The following FGGY variants were observed in gnomAD, a reference collection of about 807,000 sequenced individuals.
FGGY encodes the protein FGGY carbohydrate kinase domain-containing protein.
FGGY carries 72 observed loss-of-function variants against 71.3 expected under a neutral mutation model. The observed-to-expected ratio is 1.01, with a 90% CI of 0.84 to 1.23. FGGY has a LOEUF of 1.23. FGGY is among the 50% of genes most tolerant of loss of function. The pLI is 0.00. For synonymous variants in FGGY, 251 were observed against 250.3 expected (o/e 1.00, Z -0.02); for missense variants, 668 against 682.3 (o/e 0.98, Z 0.23).
At chr1:59,401,793 A>G (rs948374359) in intron 5 of FGGY, among the ~76,000 whole-genome samples, 3 of 152,234 alleles carry the variant, frequency 2.0e-5, no homozygotes, top group Non-Finnish European at 2.9e-5. Context: ...TCATGACTCA[A>G]TGTGAAAAGT....
intron 6 of FGGY, among the ~76,000 whole-genome samples, chr1:59,486,300 A>G (rs1197954628): frequency 1.3e-5 from 2 of 152,152 alleles, no homozygotes. Context: ...TTGGTGCTTG[A>G]TATGTGGCTA....
intron 6 of FGGY, among the ~76,000 whole-genome samples, chr1:59,502,371 G>A (rs2094252384): frequency 6.6e-6 from 1 of 152,250 alleles, no homozygotes. Flanking sequence ...AGAGGAAAGA[G>A]TGATTAATTA....
chr1:59,345,691 G>A (rs2051711177), intron 3 of FGGY, among the ~76,000 whole-genome samples: 1 of 150,080 alleles, frequency 6.7e-6, no homozygotes, highest in African/African-American at 2.5e-5. Context: ...AGCTTCCCAC[G>A]CCAGCAAACA....
chr1:59,690,815 G>C (rs922840597), intron 14 of FGGY, among the ~76,000 whole-genome samples: 1 of 152,184 alleles, frequency 6.6e-6, no homozygotes, highest in East Asian at 1.9e-4. Flanking sequence ...ATTTAAAGTC[G>C]CTAGCAGGTA....
intron 12 of FGGY, among the ~76,000 whole-genome samples, chr1:59,661,705 T>C (rs1201630114): frequency 7.2e-6 from 1 of 139,514 alleles, no homozygotes; most frequent in African/African-American, 3.1e-5. Flanking sequence ...TTTGTTTTTG[T>C]TTTTGTTTTT....
At chr1:59,502,799 G>A (rs1456657911) in intron 6 of FGGY, among the ~76,000 whole-genome samples, 1 of 152,188 alleles carries the variant, frequency 6.6e-6, no homozygotes, top group African/African-American at 2.4e-5. Context: ...ACTGTAAAAT[G>A]TATACACTGA....
chr1:59,421,503 CT>C (rs200500558), intron 5 of FGGY, among the ~76,000 whole-genome samples: 2,751 of 126,620 alleles, frequency 0.022, 80 homozygotes, highest in African/African-American at 0.068. Flanking sequence ...CCCTCTCCCC[CT>C]CTCTCCCTCT....
At chr1:59,522,921 C>T (rs1366591812) in intron 7 of FGGY, among the ~76,000 whole-genome samples, 1 of 152,202 alleles carries the variant, frequency 6.6e-6, no homozygotes, top group Non-Finnish European at 1.5e-5. Flanking sequence ...CAGAGCCTCT[C>T]ATTTTAAACA....
chr1:59,664,511 G>C (rs541700479), intron 12 of FGGY, among the ~76,000 whole-genome samples: 7 of 152,308 alleles, frequency 4.6e-5, no homozygotes, highest in African/African-American at 1.7e-4. Flanking sequence ...CTAATCGCAA[G>C]CCCCTAGGTC....
intron 6 of FGGY, among the ~76,000 whole-genome samples, chr1:59,480,334 C>A (rs2093423825): frequency 6.6e-6 from 1 of 152,164 alleles, no homozygotes; most frequent in Non-Finnish European, 1.5e-5. Flanking sequence ...GCACACGACA[C>A]CCTTCTCACC....
intron 14 of FGGY, among the ~76,000 whole-genome samples, chr1:59,720,120 A>G (rs990872573): frequency 6.6e-6 from 1 of 152,180 alleles, no homozygotes; most frequent in African/African-American, 2.4e-5. Context: ...TCCTCTGATT[A>G]CTGGGGATTT....
chr1:59,621,740 G>T (rs1276087207), intron 9 of FGGY, among the ~76,000 whole-genome samples: 2 of 151,170 alleles, frequency 1.3e-5, no homozygotes, highest in Non-Finnish European at 3.0e-5. Flanking sequence ...TTTTCCTCTG[G>T]CTGCTTTCAA....
intron 14 of FGGY, chr1:59,699,396 C>T: frequency 2.0e-6 from 2 of 985,190 alleles, no homozygotes; most frequent in Non-Finnish European, 2.4e-6. Context: ...TTCTTTTTGA[C>T]GGTTCAGGCT....
intron 1 of FGGY, among the ~76,000 whole-genome samples, chr1:59,315,223 G>A (rs2045204985): frequency 6.6e-6 from 1 of 151,936 alleles, no homozygotes; most frequent in African/African-American, 2.4e-5. Flanking sequence ...CTTTTCTGGG[G>A]CAGGAAGAAT....
intron 8 of FGGY, among the ~76,000 whole-genome samples, chr1:59,573,087 C>T (rs921363866): frequency 2.0e-5 from 3 of 152,026 alleles, no homozygotes; most frequent in African/African-American, 7.3e-5. Flanking sequence ...AATAACTTGC[C>T]TCTAGTCTTC....
chr1:59,634,579 T>C (rs2096938628), intron 10 of FGGY, among the ~76,000 whole-genome samples: 2 of 152,060 alleles, frequency 1.3e-5, no homozygotes, highest in Admixed American at 1.3e-4. Flanking sequence ...TGTGAACCCA[T>C]AGAATTAGGT....
chr1:59,433,816 G>C (rs916798936), intron 5 of FGGY, among the ~76,000 whole-genome samples: 1 of 152,170 alleles, frequency 6.6e-6, no homozygotes, highest in Non-Finnish European at 1.5e-5. Context: ...GTGCTGGTTA[G>C]TGCTTGGATG....
chr1:59,402,910 C>T (rs557884302), intron 5 of FGGY, among the ~76,000 whole-genome samples: 1 of 152,272 alleles, frequency 6.6e-6, no homozygotes, highest in South Asian at 2.1e-4. Flanking sequence ...ATGCTTACCT[C>T]CCTGAGAGGG....
intron 14 of FGGY, chr1:59,697,618 GT>G: frequency 8.0e-7 from 1 of 1,248,232 alleles, no homozygotes; most frequent in Non-Finnish European, 1.1e-6. Context: ...AGACTTTGGC[GT>G]GCTTAACATT....
Sources: allele counts gnomAD v4.1 joint callset (sites outside exome capture counted in the v4.1 genomes callset), GRCh38; gene constraint gnomAD v4.1.1; transcripts MANE v1.5; gene names NCBI Gene and HGNC (gene_info 2026-07-23, HGNC 2026-07-21).